The following IGSF21 variants were observed in gnomAD, a reference collection of about 807,000 sequenced individuals.
The protein encoded by IGSF21 is immunoglobin superfamily member 21.
In IGSF21, 28 loss-of-function variants were observed where a neutral mutation model predicts 46.8. The observed-to-expected ratio is 0.60, with a 90% CI of 0.44 to 0.82. The LOEUF is 0.82. Among genes scored for constraint, IGSF21 ranks in the 40% least tolerant of loss-of-function variants. The pLI, the probability that IGSF21 is intolerant of heterozygous loss-of-function variation, is 0.00. For missense variants in IGSF21, 624 were observed against 665.5 expected (o/e 0.94, Z 0.69); for synonymous variants, 284 against 273.6 (o/e 1.04, Z -0.38).
At chr1:18,167,992 T>C (rs2086696411) in intron 1 of IGSF21, among the ~76,000 whole-genome samples, 1 of 152,026 alleles carries the variant, frequency 6.6e-6, no homozygotes, top group Admixed American at 6.5e-5. Flanking sequence ...GAACACCTGC[T>C]CTCCTTTTAA....
chr1:18,164,781 A>G (rs761473731), intron 1 of IGSF21, among the ~76,000 whole-genome samples: 6 of 151,840 alleles, frequency 4.0e-5, no homozygotes, highest in Non-Finnish European at 7.4e-5. Flanking sequence ...CATGTGCACA[A>G]TGTGCAGGTT....
intron 1 of IGSF21, among the ~76,000 whole-genome samples, chr1:18,108,877 C>A (rs1210822673): frequency 6.6e-6 from 1 of 150,848 alleles, no homozygotes; most frequent in African/African-American, 2.4e-5. Flanking sequence ...GCCTGGGAGT[C>A]GTGGGCTTCA....
At chr1:18,162,337 G>A (rs528145463) in intron 1 of IGSF21, among the ~76,000 whole-genome samples, 151 of 152,242 alleles carry the variant, frequency 9.9e-4, no homozygotes, top group Middle Eastern at 3.4e-3. Context: ...GTGAGCCACC[G>A]CACCTGGCCC....
chr1:18,343,210 T>A (rs2085860276), intron 4 of IGSF21, among the ~76,000 whole-genome samples: 1 of 152,240 alleles, frequency 6.6e-6, no homozygotes. Flanking sequence ...ACACTGTACG[T>A]CCTTTCCTGT....
chr1:18,264,262 C>T (rs1307351306), intron 2 of IGSF21, among the ~76,000 whole-genome samples: 2 of 152,168 alleles, frequency 1.3e-5, no homozygotes, highest in Non-Finnish European at 2.9e-5. Flanking sequence ...CAGCAAGAAG[C>T]CATGCATTTA....
At chr1:18,186,900 G>A (rs2086908180) in intron 1 of IGSF21, among the ~76,000 whole-genome samples, 1 of 152,124 alleles carries the variant, frequency 6.6e-6, no homozygotes, top group African/African-American at 2.4e-5. Flanking sequence ...GGCCTTCCTG[G>A]CTGTGTCTGG....
chr1:18,295,185 C>T (rs371558595), intron 3 of IGSF21, among the ~76,000 whole-genome samples: 4 of 152,098 alleles, frequency 2.6e-5, no homozygotes, highest in African/African-American at 7.2e-5. Context: ...AGGTGTGTAT[C>T]CCTGGTTGTA....
chr1:18,150,958 GA>G (rs1232071087), intron 1 of IGSF21, among the ~76,000 whole-genome samples: 2 of 152,118 alleles, frequency 1.3e-5, no homozygotes, highest in African/African-American at 2.4e-5. Flanking sequence ...GTGCCATCGG[GA>G]AAAAAAGCAG....
chr1:18,341,057 CTCTTCT>C (rs1553164967), intron 4 of IGSF21, among the ~76,000 whole-genome samples: 1 of 44,778 alleles, frequency 2.2e-5, no homozygotes, highest in East Asian at 6.2e-4. Context: ...CTTCCTCTTC[CTCTTCT>C]TCTTCTTCTT....
At chr1:18,349,782 C>T (rs7534870) in intron 4 of IGSF21, among the ~76,000 whole-genome samples, 45,414 of 151,918 alleles carry the variant, frequency 0.3, 7,061 homozygotes, top group Non-Finnish European at 0.34. Flanking sequence ...ACTAGCCAAG[C>T]GCAGTGTGCC....
intron 2 of IGSF21, among the ~76,000 whole-genome samples, chr1:18,275,226 C>T (rs2085088412): frequency 6.6e-6 from 1 of 152,212 alleles, no homozygotes; most frequent in African/African-American, 2.4e-5. Context: ...AAGTTGCGCT[C>T]ATGCTCTTCC....
chr1:18,279,851 C>A (rs1233742044), intron 2 of IGSF21, among the ~76,000 whole-genome samples: 1 of 152,220 alleles, frequency 6.6e-6, no homozygotes, highest in South Asian at 2.1e-4. Flanking sequence ...GGCAGGCTGG[C>A]GCAGGCCACT....
At position 18,367,609 on chromosome 1, in the gene IGSF21, T is replaced by TTTTTTTTTTTTG. The variant is rs1449142896; in HGVS notation, c.1015+1923_1015+1924insGTTTTTTTTTTT. 1.4e-4 allele frequency among the ~76,000 whole-genome samples: 18 copies of TTTTTTTTTTTTG among 132,162 alleles called. No individual in the cohort carries two copies. In the South Asian group the frequency reaches 5.2e-3, roughly 38 times the overall value. The allele number at this position is 132,162 out of a possible 152,430, so 86.7% of individuals were successfully genotyped here. A position where few individuals can be genotyped will look rare whatever the true frequency, so the allele number is the denominator to read the frequency against. The stretch of plus-strand genomic sequence containing the variant: ...TGATATTCTCTCTCTCTCTCTTTTT[T>TTTTTTTTTTTTG]TTTTTTTTTTTTTTTTGACAGAGTC... On this transcript the variant is annotated intron_variant, in intron 6 of 9. Transcript: ENST00000251296.
At chr1:18,377,466 G>A (rs1490638893) in intron 9 of IGSF21, 35 bp downstream of exon 9, 4 of 1,582,774 alleles carry the variant, frequency 2.5e-6, no homozygotes, top group Non-Finnish European at 3.5e-6. Flanking sequence ...TTGCTTAAAA[G>A]GGAGTGGCTT....
chr1:18,166,475 G>A (rs1570288377), intron 1 of IGSF21, among the ~76,000 whole-genome samples: 1 of 152,112 alleles, frequency 6.6e-6, no homozygotes, highest in Admixed American at 6.6e-5. Flanking sequence ...TATCTGAGAC[G>A]CTGAGTCTCT....
At chr1:18,227,866 C>G (rs759597698) in intron 1 of IGSF21, 32 bp from the exon 2 acceptor site, 2 of 1,540,658 alleles carry the variant, frequency 1.3e-6, no homozygotes, top group Admixed American at 1.7e-5. Context: ...TCTGCTCGTG[C>G]CCTTACCACC....
At chr1:18,192,930 G>T (rs1392204317) in intron 1 of IGSF21, among the ~76,000 whole-genome samples, 1 of 152,100 alleles carries the variant, frequency 6.6e-6, no homozygotes, top group South Asian at 2.1e-4. Flanking sequence ...AGTGGGAAGT[G>T]CAGCCCTGGC....
intron 4 of IGSF21, among the ~76,000 whole-genome samples, chr1:18,359,376 AAG>A (rs2086063982): frequency 9.1e-6 from 1 of 109,466 alleles, no homozygotes; most frequent in Admixed American, 9.1e-5. Context: ...GAAAGAAAGA[AAG>A]AAAGAAAGGA....
chr1:18,118,086 C>T (rs914403190), intron 1 of IGSF21, among the ~76,000 whole-genome samples: 1 of 152,174 alleles, frequency 6.6e-6, no homozygotes, highest in African/African-American at 2.4e-5. Context: ...TCCTACATCA[C>T]AGGACAGCTT....
Sources: allele counts gnomAD v4.1 joint callset (sites outside exome capture counted in the v4.1 genomes callset), GRCh38; gene constraint gnomAD v4.1.1; transcripts MANE v1.5; gene names NCBI Gene and HGNC (gene_info 2026-07-23, HGNC 2026-07-21).